The following PARP15 variants were observed in gnomAD, a reference collection of about 807,000 sequenced individuals.
PARP15 encodes poly(ADP-ribose) polymerase family member 15, also known as protein mono-ADP-ribosyltransferase PARP15.
Under a neutral mutation model 62.1 loss-of-function variants are expected in PARP15, and 50 were observed. The observed-to-expected ratio is 0.81, with a 90% CI of 0.64 to 1.02. PARP15 has a LOEUF of 1.02. Among genes scored for constraint, PARP15 ranks in the 50% least tolerant of loss-of-function variants. PARP15 has a pLI of 0.00. For missense variants in PARP15, 820 were observed against 826.5 expected (o/e 0.99, Z 0.10); for synonymous variants, 309 against 293.1 (o/e 1.05, Z -0.55).
chr3:122,596,288 G>A (rs922764581), intron 1 of PARP15, among the ~76,000 whole-genome samples: 7 of 149,050 alleles, frequency 4.7e-5, no homozygotes, highest in South Asian at 2.1e-4. Flanking sequence ...CCAAGGAGTC[G>A]GAGGTTGCAG....
Position 122,617,088 on chromosome 3 carries a change from T to C in PARP15, c.924T>C (p.Val308=). The change falls in exon 6 of 12, where the codon GTT becomes GTC. Residue 308 remains valine, a synonymous_variant. Transcript: ENST00000464300. ...EMKIGAITFQ[V]ATGDIATEQV... ...AAATCGGTGCAATTACTTTTCAGGT[T>C]GCTACTGGAGATATAGCCACTGAAC... is the stretch of plus-strand genomic sequence containing the variant. 1 of 1,614,104 alleles carries C rather than the reference T, an allele frequency of 6.2e-7. No individual in the cohort carries two copies. Among genetic ancestry groups the C allele is most frequent in the African/African-American group, 1.3e-5 (1 of 75,042 alleles).
chr3:122,594,555 A>C, intron 1 of PARP15: 1 of 982,636 alleles, frequency 1.0e-6, no homozygotes, highest in Non-Finnish European at 1.2e-6. Context: ...AGGGTAGGCA[A>C]CGTAGGGTAA....
chr3:122,590,006 C>T (rs749162855), intron 1 of PARP15, among the ~76,000 whole-genome samples: 1 of 151,038 alleles, frequency 6.6e-6, no homozygotes, highest in Non-Finnish European at 1.5e-5. Flanking sequence ...CTGCCTCACC[C>T]TCTCAAGTAG....
intron 9 of PARP15, 68 bp downstream of exon 9, chr3:122,627,101 G>A: frequency 2.4e-6 from 3 of 1,263,762 alleles, no homozygotes. Context: ...GTTTAAGTGT[G>A]AATGTACACT....
intron 11 of PARP15, 53 bp from the exon 12 acceptor site, chr3:122,635,758 A>G (rs1937323165): frequency 6.4e-7 from 1 of 1,558,924 alleles, no homozygotes; most frequent in Admixed American, 1.8e-5. Flanking sequence ...GCATGGTTCT[A>G]CACATTGTGT....
At chr3:122,616,964 TC>T in intron 5 of PARP15, 50 bp from the exon 6 acceptor site, 1 of 1,591,964 alleles carries the variant, frequency 6.3e-7, no homozygotes. Flanking sequence ...TGAGTGCTGT[TC>T]CTCCAGAAGC....
chr3:122,605,153 G>T (rs143964719), intron 1 of PARP15, among the ~76,000 whole-genome samples: 1,559 of 152,252 alleles, frequency 0.01, 28 homozygotes, highest in African/African-American at 0.036. Flanking sequence ...GGGAGGCAAG[G>T]TTGCTGCTGT....
chr3:122,594,703 A>G, intron 1 of PARP15: 1 of 931,244 alleles, frequency 1.1e-6, no homozygotes, highest in Non-Finnish European at 1.3e-6. Flanking sequence ...TTCTTCTAAT[A>G]TGAAATAAAA....
intron 4 of PARP15, among the ~76,000 whole-genome samples, chr3:122,614,233 A>T (rs891435874): frequency 6.6e-6 from 1 of 152,194 alleles, no homozygotes; most frequent in African/African-American, 2.4e-5. Flanking sequence ...AGTGTTTTGC[A>T]TGATATCTAG....
At chr3:122,603,580 T>C (rs1008104942) in intron 1 of PARP15, among the ~76,000 whole-genome samples, 4 of 152,130 alleles carry the variant, frequency 2.6e-5, no homozygotes, top group African/African-American at 9.7e-5. Flanking sequence ...TGTAACACAA[T>C]TAAAGACAAT....
At chr3:122,588,873 TTC>T (rs1318757265) in intron 1 of PARP15, among the ~76,000 whole-genome samples, 1 of 152,246 alleles carries the variant, frequency 6.6e-6, no homozygotes, top group East Asian at 1.9e-4. Context: ...AGCATGTTTT[TTC>T]CAGGTATGTT....
chr3:122,602,582 A>G (rs150620187), intron 1 of PARP15, among the ~76,000 whole-genome samples: 164 of 152,294 alleles, frequency 1.1e-3, no homozygotes, highest in African/African-American at 3.8e-3. Context: ...ACCTAATTTT[A>G]TGACTTCTTT....
intron 3 of PARP15, among the ~76,000 whole-genome samples, 159 bp downstream of exon 3, chr3:122,610,889 C>G (rs6780312): frequency 0.13 from 19,863 of 152,022 alleles, 3,701 homozygotes; most frequent in African/African-American, 0.42. Flanking sequence ...GCGAGGGATG[C>G]TGGTAAATAT....
Position 122,605,867 on chromosome 3 carries a change from C to T in PARP15, c.187-69C>T. On this transcript the variant is annotated intron_variant, in intron 1 of 11. Transcript: ENST00000464300. ...AAGTGCTGAGATTACAGACCTGAGC[C>T]ACCGCACCTGGCCTAAGAGAACTCT... The T allele has an allele frequency of 2.0e-6, 3 of 1,499,166 alleles. No homozygotes were observed. In the South Asian group the frequency reaches 3.9e-5, roughly 19 times the overall value. 92.9% of individuals were successfully genotyped at this position (1,499,166 alleles called of 1,614,324 possible).
At chr3:122,589,701 C>G (rs1250388782) in intron 1 of PARP15, among the ~76,000 whole-genome samples, 2 of 151,986 alleles carry the variant, frequency 1.3e-5, no homozygotes, top group East Asian at 3.9e-4. Flanking sequence ...TATTCAAATC[C>G]TTTGTTGGTT....
intron 8 of PARP15, among the ~76,000 whole-genome samples, chr3:122,623,938 G>C (rs1936519245): frequency 6.6e-6 from 1 of 152,144 alleles, no homozygotes; most frequent in East Asian, 1.9e-4. Context: ...GATTGCTTGA[G>C]GTCAGGAGTT....
chr3:122,615,505 A>G (rs2107550735), intron 4 of PARP15: 3 of 1,165,890 alleles, frequency 2.6e-6, no homozygotes, highest in South Asian at 3.3e-5. Context: ...CAAAAAAGGC[A>G]TGTGACTTCC....
At chr3:122,578,277 A>T (rs1018264799) in intron 1 of PARP15, among the ~76,000 whole-genome samples, 2 of 152,072 alleles carry the variant, frequency 1.3e-5, no homozygotes, top group African/African-American at 4.8e-5. Context: ...TTTTAGTCAT[A>T]TTTTAATATA....
At chr3:122,597,162 C>T (rs991639562) in intron 1 of PARP15, among the ~76,000 whole-genome samples, 1 of 152,158 alleles carries the variant, frequency 6.6e-6, no homozygotes, top group African/African-American at 2.4e-5. Context: ...TGTGTCCTCA[C>T]GTGGCAGAGA....
Sources: allele counts gnomAD v4.1 joint callset (sites outside exome capture counted in the v4.1 genomes callset), GRCh38; gene constraint gnomAD v4.1.1; transcripts MANE v1.5; gene names NCBI Gene and HGNC (gene_info 2026-07-23, HGNC 2026-07-21).